Variants in ABR observed in about 807,000 individuals in gnomAD.
ABR encodes ABR activator of RhoGEF and GTPase.
In ABR, 35 loss-of-function variants were observed where a neutral mutation model predicts 107.2. The observed-to-expected ratio is 0.33, with a 90% CI of 0.25 to 0.43. ABR has a LOEUF of 0.43. Among genes scored for constraint, ABR ranks in the 20% least tolerant of loss-of-function variants. ABR has a pLI of 1.00. For synonymous variants in ABR, 498 were observed against 462.0 expected (o/e 1.08, Z -1.00); for missense variants, 815 against 1,115.2 (o/e 0.73, Z 3.83).
chr17:1,143,516 ACAGCTCGCTCCTGGGGG>A (rs2040401658), intron 1 of ABR, among the ~76,000 whole-genome samples: 1 of 8,946 alleles, frequency 1.1e-4, no homozygotes, highest in African/African-American at 2.2e-4. Flanking sequence ...CTCCTGGGGG[ACAGCTCGCTCCTGGGGG>A]ACAGCTCATT....
intron 16 of ABR, among the ~76,000 whole-genome samples, chr17:1,026,632 C>T (rs114821146): frequency 0.04 from 6,053 of 152,276 alleles, 348 homozygotes; most frequent in African/African-American, 0.13. Context: ...CTACGGCTCA[C>T]TGGACCCAGG....
intron 16 of ABR, among the ~76,000 whole-genome samples, chr17:1,049,254 A>G (rs139187282): frequency 0.039 from 5,858 of 151,852 alleles, 396 homozygotes; most frequent in African/African-American, 0.13. Context: ...TGCAACCTCT[A>G]CCTCCTGGGT....
chr17:1,013,701 T>A (rs917784091), intron 16 of ABR, among the ~76,000 whole-genome samples: 1 of 152,238 alleles, frequency 6.6e-6, no homozygotes, highest in African/African-American at 2.4e-5. Context: ...AAGCCTCAGT[T>A]ATTCCATCTG....
chr17:1,016,584 G>A (rs1220687509), intron 16 of ABR, among the ~76,000 whole-genome samples: 1 of 151,946 alleles, frequency 6.6e-6, no homozygotes, highest in Non-Finnish European at 1.5e-5. Flanking sequence ...CCAAAGTGCT[G>A]GGATTACAGG....
At chr17:1,041,021 A>G (rs1013107916) in intron 16 of ABR, among the ~76,000 whole-genome samples, 1 of 152,006 alleles carries the variant, frequency 6.6e-6, no homozygotes, top group Non-Finnish European at 1.5e-5. Context: ...CCTGGTTCAC[A>G]CCATTCTCCT....
intron 1 of ABR, among the ~76,000 whole-genome samples, chr17:1,141,738 C>G (rs2151497367): frequency 6.6e-6 from 1 of 152,068 alleles, no homozygotes; most frequent in East Asian, 1.9e-4. Context: ...TCAGCACAGG[C>G]TGGTGGACTA....
rs1287887576 is a variant in ABR, at chr17:1,005,979, G to A, written c.*101C>T. 1.8e-6 allele frequency: 2 copies of A among 1,099,978 alleles called. No individual in the cohort carries two copies. The highest frequency in any genetic ancestry group is 2.7e-6 in the Non-Finnish European group (2 of 741,152). The allele number at this position is 1,099,978 out of a possible 1,614,324, so 68.1% of individuals were successfully genotyped here. On this transcript the variant is annotated 3_prime_UTR_variant, in exon 23 of 23. Transcript: ENST00000302538. ...AGCTGGCTTCCCTCGAGTCTGGAGT[G>A]CTGGGTTTGGGAGTTTTCTATTGCA...
chr17:1,057,375 G>C (rs1416597314), intron 12 of ABR, among the ~76,000 whole-genome samples: 5 of 128,992 alleles, frequency 3.9e-5, no homozygotes, highest in Non-Finnish European at 8.0e-5. Context: ...TGGTGTATGC[G>C]TTTTGTTTTC....
chr17:1,015,854 G>GT (rs1394023488), intron 16 of ABR, among the ~76,000 whole-genome samples: 1 of 152,140 alleles, frequency 6.6e-6, no homozygotes, highest in East Asian at 1.9e-4. Context: ...TTTAGTTCGC[G>GT]TATCTATAGG....
At chr17:1,108,886 A>G (rs2038450557) in intron 2 of ABR, 2 of 1,525,826 alleles carry the variant, frequency 1.3e-6, no homozygotes, top group African/African-American at 2.9e-5. Flanking sequence ...CACCTTCGGC[A>G]GCGCCGGCCC....
At chr17:1,149,647 C>G (rs2040714758) in intron 1 of ABR, among the ~76,000 whole-genome samples, 1 of 152,246 alleles carries the variant, frequency 6.6e-6, no homozygotes, top group South Asian at 2.1e-4. Context: ...GAACTCCTGA[C>G]CTCAGGTGAT....
chr17:1,041,047 G>T (rs982025139), intron 16 of ABR, among the ~76,000 whole-genome samples: 4 of 152,148 alleles, frequency 2.6e-5, no homozygotes, highest in Non-Finnish European at 4.4e-5. Context: ...AGCCTCCCGA[G>T]TAGCTGGGAT....
chr17:1,222,846 C>T (rs1435591683), intron 1 of ABR, among the ~76,000 whole-genome samples: 2 of 152,040 alleles, frequency 1.3e-5, no homozygotes, highest in Admixed American at 6.6e-5. Context: ...GAGGTGGAGG[C>T]TGCAGTGAGC....
At chr17:1,079,086 G>C in intron 6 of ABR, 1 of 1,434,712 alleles carries the variant, frequency 7.0e-7, no homozygotes, top group Non-Finnish European at 9.1e-7. Flanking sequence ...GGAGCCAGCA[G>C]CCTGCTGGCA....
intron 16 of ABR, among the ~76,000 whole-genome samples, chr17:1,032,968 T>C (rs1019803970): frequency 2.0e-5 from 3 of 152,188 alleles, no homozygotes; most frequent in Non-Finnish European, 2.9e-5. Context: ...ATGTTGGTGT[T>C]ACTGCCCTGT....
chr17:1,226,860 GTGC>G (rs1363292549), intron 1 of ABR, among the ~76,000 whole-genome samples: 2 of 152,170 alleles, frequency 1.3e-5, no homozygotes, highest in Non-Finnish European at 2.9e-5. Context: ...GTATATACAT[GTGC>G]TGCTATGCAT....
intron 10 of ABR, among the ~76,000 whole-genome samples, chr17:1,066,408 CTTAT>C (rs1427938955): frequency 1.3e-5 from 2 of 152,110 alleles, no homozygotes; most frequent in African/African-American, 4.8e-5. Flanking sequence ...CCTCTCTCTC[CTTAT>C]TTATTTGCCT....
At chr17:1,055,984 G>A in intron 14 of ABR, 51 bp downstream of exon 14, 1 of 1,545,186 alleles carries the variant, frequency 6.5e-7, no homozygotes, top group Non-Finnish European at 8.9e-7. Context: ...GGGCAGAGCA[G>A]TGCAGAATCC....
chr17:1,227,176 C>T (rs9747012), intron 1 of ABR, among the ~76,000 whole-genome samples: 60,335 of 151,988 alleles, frequency 0.4, 12,463 homozygotes, highest in African/African-American at 0.44. Context: ...CGATTTCTAA[C>T]GTGCATCAAG....
Sources: allele counts gnomAD v4.1 joint callset (sites outside exome capture counted in the v4.1 genomes callset), GRCh38; gene constraint gnomAD v4.1.1; transcripts MANE v1.5; gene names NCBI Gene and HGNC (gene_info 2026-07-23, HGNC 2026-07-21).